The following ARIH1 variants were observed in gnomAD, a reference collection of about 807,000 sequenced individuals.
ARIH1 encodes the protein ariadne RBR E3 ubiquitin protein ligase 1, also known as E3 ubiquitin-protein ligase ARIH1.
In ARIH1, 8 loss-of-function variants were observed where a neutral mutation model predicts 85.0. That is an observed-to-expected ratio of 0.09 (90% CI 0.06 to 0.17). ARIH1 has a LOEUF of 0.17. ARIH1 is among the 10% of genes least tolerant of loss of function. The pLI is 1.00. For missense variants in ARIH1, 311 were observed against 718.1 expected, an observed-to-expected ratio of 0.43 and a Z score of 6.48; for synonymous variants, 238 against 253.6, an observed-to-expected ratio of 0.94 and a Z score of 0.59.
chr15:72,559,430 C>T (rs1027906046), intron 5 of ARIH1, among the ~76,000 whole-genome samples: 10 of 151,932 alleles, frequency 6.6e-5, no homozygotes, highest in African/African-American at 2.2e-4. Flanking sequence ...CCACCATGCT[C>T]GGCTAATTTT....
At chr15:72,545,250 A>G (rs2140424063) in intron 3 of ARIH1, among the ~76,000 whole-genome samples, 1 of 152,286 alleles carries the variant, frequency 6.6e-6, no homozygotes, top group South Asian at 2.1e-4. Flanking sequence ...GAATTGTGTA[A>G]TAGTAGGCAG....
intron 11 of ARIH1, among the ~76,000 whole-genome samples, chr15:72,574,345 T>TA (rs1157798519): frequency 6.6e-6 from 1 of 152,220 alleles, no homozygotes. Context: ...GTTGATTGAC[T>TA]AATTGATTGG....
intron 2 of ARIH1, among the ~76,000 whole-genome samples, chr15:72,540,488 A>T (rs908209304): frequency 7.9e-5 from 12 of 152,130 alleles, no homozygotes; most frequent in Admixed American, 3.3e-4. Context: ...GGGTGAATGG[A>T]CCATATAATA....
intron 1 of ARIH1, among the ~76,000 whole-genome samples, chr15:72,510,006 T>G (rs1366667250): frequency 6.6e-6 from 1 of 151,812 alleles, no homozygotes; most frequent in African/African-American, 2.4e-5. Context: ...ATCTTTGAAC[T>G]CCTTAGCTCA....
rs550899343 is a variant in ARIH1, at chr15:72,577,678, A to C, written c.1216-3053A>C. On this transcript the variant is annotated intron_variant, in intron 11 of 13. Transcript: ENST00000379887. Reference sequence around the variant, plus strand: ...ACAGAGTGAGACTCCATCTCAAAACAAAAAACAAACAAACAAAAAAACGGA... The same window carrying C: ...ACAGAGTGAGACTCCATCTCAAAACCAAAAACAAACAAACAAAAAAACGGA... 2.3e-4 allele frequency among the ~76,000 whole-genome samples: 35 copies of C among 152,200 alleles called. 1 individual carries two copies. The East Asian group carries it at 6.6e-3, about 29-fold the overall frequency.
intron 2 of ARIH1, among the ~76,000 whole-genome samples, chr15:72,529,159 A>C (rs1289801938): frequency 6.6e-6 from 1 of 152,118 alleles, no homozygotes; most frequent in African/African-American, 2.4e-5. Flanking sequence ...GAGATCCACC[A>C]CTGCACTCCA....
intron 7 of ARIH1, among the ~76,000 whole-genome samples, chr15:72,564,829 C>G (rs7497653): frequency 6.6e-6 from 1 of 152,002 alleles, no homozygotes; most frequent in Admixed American, 6.5e-5. Flanking sequence ...GTGGAAAGGA[C>G]AAGGCAGCTC....
intron 2 of ARIH1, among the ~76,000 whole-genome samples, chr15:72,525,641 T>TA (rs1341381833): frequency 4.6e-5 from 7 of 152,160 alleles, no homozygotes; most frequent in African/African-American, 7.2e-5. Context: ...GATTAACTAT[T>TA]AAAGTGATTG....
At chr15:72,518,754 C>T (rs1234705330) in intron 2 of ARIH1, among the ~76,000 whole-genome samples, 11 of 150,246 alleles carry the variant, frequency 7.3e-5, no homozygotes, top group African/African-American at 2.5e-4. Context: ...CGCTACTACA[C>T]TCCAGCCTGG....
intron 10 of ARIH1, among the ~76,000 whole-genome samples, chr15:72,571,695 G>T (rs758986636): frequency 6.6e-6 from 1 of 152,052 alleles, no homozygotes; most frequent in Non-Finnish European, 1.5e-5. Flanking sequence ...GAAATATTTG[G>T]CTTAAGTAAC....
At chr15:72,495,108 T>G (rs1185513456) in intron 1 of ARIH1, among the ~76,000 whole-genome samples, 1 of 152,120 alleles carries the variant, frequency 6.6e-6, no homozygotes, top group Non-Finnish European at 1.5e-5. Flanking sequence ...AGTGGCAAAA[T>G]TAACCAGTCA....
At chr15:72,555,392 T>C (rs1198564652) in intron 4 of ARIH1, 29 bp downstream of exon 4, 1 of 1,542,394 alleles carries the variant, frequency 6.5e-7, no homozygotes, top group Non-Finnish European at 8.9e-7. Flanking sequence ...TTTTCAGTTT[T>C]TGTTGAATTT....
intron 1 of ARIH1, among the ~76,000 whole-genome samples, chr15:72,501,529 T>G (rs976816023): frequency 6.6e-6 from 1 of 152,206 alleles, no homozygotes; most frequent in Non-Finnish European, 1.5e-5. Flanking sequence ...GTATGCTGTC[T>G]CTAGATGGTT....
chr15:72,564,065 C>A (rs950595391), intron 7 of ARIH1, among the ~76,000 whole-genome samples: 1 of 152,086 alleles, frequency 6.6e-6, no homozygotes, highest in Non-Finnish European at 1.5e-5. Flanking sequence ...TATAGGTGTT[C>A]TAGTTTTTTC....
At chr15:72,527,536 G>A (rs934205736) in intron 2 of ARIH1, among the ~76,000 whole-genome samples, 8 of 151,516 alleles carry the variant, frequency 5.3e-5, no homozygotes, top group African/African-American at 1.9e-4. Context: ...CCTTATGTCT[G>A]TTCTCATATT....
chr15:72,483,172 T>G (rs1216482914), intron 1 of ARIH1, among the ~76,000 whole-genome samples: 2 of 152,076 alleles, frequency 1.3e-5, no homozygotes, highest in Non-Finnish European at 2.9e-5. Flanking sequence ...TGGGTAGCAG[T>G]CCTCAAGGCT....
intron 2 of ARIH1, among the ~76,000 whole-genome samples, chr15:72,536,515 G>A (rs563281106): frequency 2.4e-3 from 362 of 151,942 alleles, no homozygotes; most frequent in African/African-American, 8.4e-3. Context: ...ATTTTTTATC[G>A]TAAAAGCTGA....
chr15:72,528,821 T>C (rs540027066), intron 2 of ARIH1, among the ~76,000 whole-genome samples: 1 of 152,202 alleles, frequency 6.6e-6, no homozygotes, highest in East Asian at 1.9e-4. Context: ...CACTGTACTC[T>C]AGCCTGAGTG....
At chr15:72,476,774 A>T (rs942154189) in intron 1 of ARIH1, among the ~76,000 whole-genome samples, 1 of 152,230 alleles carries the variant, frequency 6.6e-6, no homozygotes, top group Non-Finnish European at 1.5e-5. Flanking sequence ...TTATTTTTCT[A>T]GACCTTTGGA....
Sources: gnomAD v4.1 joint callset for allele counts (sites outside exome capture counted in the v4.1 genomes callset) on GRCh38, gnomAD v4.1.1 for gene constraint, MANE v1.5 for transcripts, NCBI Gene and HGNC (gene_info 2026-07-23, HGNC 2026-07-21) for gene names.